HEXD: variants seen among roughly 807,000 people sequenced by gnomAD.
HEXD encodes the protein N-acetyl-beta-galactosaminidase.
A neutral mutation model predicts 54.2 loss-of-function variants in HEXD; 47 were observed. That is an observed-to-expected ratio of 0.87 (90% CI 0.69 to 1.11). The LOEUF is 1.11. HEXD is among the 50% of genes least tolerant of loss of function. HEXD has a pLI of 0.00. For synonymous variants in HEXD, 293 were observed against 287.6 expected (o/e 1.02, Z -0.19); for missense variants, 576 against 649.2 (o/e 0.89, Z 1.23).
chr17:82,440,973 C>G, intron 9 of HEXD, 24 bp from the exon 10 acceptor site: 1 of 1,613,086 alleles, frequency 6.2e-7, no homozygotes, highest in Non-Finnish European at 8.5e-7. Context: ...CCCCTCCAAC[C>G]GCCCCGCTCA....
intron 5 of HEXD, 60 bp downstream of exon 5, chr17:82,433,882 T>TA: frequency 1.4e-6 from 2 of 1,460,740 alleles, no homozygotes; most frequent in Non-Finnish European, 1.8e-6. Context: ...CTTGTCCTTT[T>TA]AAATAGGAAA....
At chr17:82,424,022 T>C (rs1333339982) in intron 2 of HEXD, among the ~76,000 whole-genome samples, 2 of 151,460 alleles carry the variant, frequency 1.3e-5, no homozygotes, top group East Asian at 3.9e-4. Flanking sequence ...TCAGCCTGGC[T>C]GCCCTGTCCC....
chr17:82,420,752 G>T (rs1392273757), intron 2 of HEXD, among the ~76,000 whole-genome samples: 1 of 152,142 alleles, frequency 6.6e-6, no homozygotes, highest in East Asian at 1.9e-4. Context: ...ATTTTTAGTA[G>T]AGACGGGGTT....
Position 82,437,286 on chromosome 17 carries a change from C to T in HEXD, c.822C>T (p.Asn274=), listed in dbSNP as rs768800934. ...AVPPVEHHLR[N]HVQWLQVAGS... ...CCCCTGTTGAGCACCACCTCAGGAACCACGTGCAGTGGCTGCAGGTGGCGG... is the reference window on the plus strand; with the variant it reads ...CCCCTGTTGAGCACCACCTCAGGAATCACGTGCAGTGGCTGCAGGTGGCGG... Residue 274 remains asparagine, a synonymous_variant, in exon 8 of 13, where the codon AAC becomes AAT. Transcript: ENST00000327949. 36 of 1,612,280 alleles carry T rather than the reference C, an allele frequency of 2.2e-5. No homozygotes were observed. Among genetic ancestry groups the T allele is most frequent in the Non-Finnish European group, 3.1e-5 (36 of 1,179,608 alleles).
chr17:82,421,782 C>T (rs567878894), intron 2 of HEXD, among the ~76,000 whole-genome samples: 32 of 151,926 alleles, frequency 2.1e-4, no homozygotes, highest in African/African-American at 6.3e-4. Flanking sequence ...GCCAAGATTG[C>T]GCCACTGCAC....
intron 3 of HEXD, 65 bp downstream of exon 3, chr17:82,424,568 G>A: frequency 2.7e-6 from 3 of 1,102,174 alleles, no homozygotes; most frequent in Non-Finnish European, 4.1e-6. Context: ...GTTCCGCAGG[G>A]CAGGAGGAGC....
chr17:82,436,871 C>T, intron 7 of HEXD, 133 bp downstream of exon 7: 1 of 794,672 alleles, frequency 1.3e-6, no homozygotes, highest in Non-Finnish European at 2.0e-6. Flanking sequence ...ACAGCCCCAG[C>T]AGACCCCAGC....
Position 82,433,779 on chromosome 17 carries a change from A to T in HEXD, c.404A>T (p.Glu135Val), listed in dbSNP as rs1266961074. ...LVGAMIDQVL[E>V]LHPGAQRLHI... ...GGCGCCATGATTGACCAGGTCCTGG[A>T]GCTACACCCAGGCGCCCAGCGGCTG... The change falls in exon 5 of 13, where the codon GAG becomes GTG. Residue 135 changes from glutamate (E) to valine (V), a missense_variant. Coordinates refer to ENST00000327949, the MANE Select transcript of HEXD (RefSeq NM_001330542.2). The T allele has an allele frequency of 8.1e-6, 13 of 1,613,058 alleles. No individual in the cohort carries two copies. The highest frequency in any genetic ancestry group is 1.1e-5 in the Non-Finnish European group (13 of 1,179,776).
At chr17:82,440,956 C>T (rs2053926313) in intron 9 of HEXD, 41 bp from the exon 10 acceptor site, 1 of 1,611,706 alleles carries the variant, frequency 6.2e-7, no homozygotes, top group Non-Finnish European at 8.5e-7. Context: ...CTCCCCTCCT[C>T]CAGAGGCCCC....
intron 3 of HEXD, among the ~76,000 whole-genome samples, chr17:82,428,333 T>G (rs2053478038): frequency 6.6e-6 from 1 of 152,130 alleles, no homozygotes; most frequent in African/African-American, 2.4e-5. Flanking sequence ...TTGTCGTGGG[T>G]TGAAAAGCGA....
chr17:82,423,346 C>T (rs532860052), intron 2 of HEXD: 1 of 152,308 alleles, frequency 6.6e-6, no homozygotes, highest in South Asian at 2.1e-4. Flanking sequence ...AGCTGGGGCT[C>T]CTTAGTTCTC....
At chr17:82,419,248 C>G (rs139133752) in intron 1 of HEXD, among the ~76,000 whole-genome samples, 8 of 152,298 alleles carry the variant, frequency 5.3e-5, no homozygotes, top group African/African-American at 1.9e-4. Flanking sequence ...ACCTTAAATC[C>G]TAGACAGTTT....
chr17:82,439,854 G>A (rs767580431), intron 9 of HEXD, 141 bp downstream of exon 9: 2 of 1,546,888 alleles, frequency 1.3e-6, no homozygotes, highest in South Asian at 2.3e-5. Flanking sequence ...CACCGCCCCA[G>A]CTCAGCCACC....
At chr17:82,425,155 G>GAGA (rs2053371521) in intron 3 of HEXD, among the ~76,000 whole-genome samples, 3 of 148,314 alleles carry the variant, frequency 2.0e-5, no homozygotes, top group African/African-American at 7.5e-5. Flanking sequence ...GCTGGAGGAG[G>GAGA]CTAGAGAAGG....
At chr17:82,433,110 A>G (rs1163389263) in intron 4 of HEXD, among the ~76,000 whole-genome samples, 1 of 16,570 alleles carries the variant, frequency 6.0e-5, no homozygotes, top group African/African-American at 5.6e-4. Context: ...ATATATATAT[A>G]TATATATATA....
chr17:82,429,072 C>G (rs1366592775), intron 4 of HEXD, among the ~76,000 whole-genome samples: 1 of 152,016 alleles, frequency 6.6e-6, no homozygotes, highest in Non-Finnish European at 1.5e-5. Flanking sequence ...CCAGCCTGAC[C>G]AACATGGCGA....
chr17:82,418,347 A>C lies in HEXD; in HGVS notation c.-445A>C. The stretch of plus-strand genomic sequence containing the variant: ...GGCCAGGCCCCGCCCCATCAGCCCC[A>C]GTCCCGCCCACTCCATGGCCCTGTC... On this transcript the variant is annotated 5_prime_UTR_variant, in exon 1 of 13. Coordinates refer to ENST00000327949, the MANE Select transcript of HEXD (RefSeq NM_001330542.2). 7.4e-6 allele frequency: 5 copies of C among 674,094 alleles called. No homozygotes were observed. The Admixed American group carries it at 1.9e-4, about 25-fold the overall frequency. 41.8% of individuals were successfully genotyped at this position (674,094 alleles called of 1,614,324 possible).
At chr17:82,437,519 G>C (rs2053805450) in intron 8 of HEXD, among the ~76,000 whole-genome samples, 156 bp downstream of exon 8, 1 of 152,238 alleles carries the variant, frequency 6.6e-6, no homozygotes, top group South Asian at 2.1e-4. Context: ...ACGTGGGGTT[G>C]GGCCCTGCAC....
intron 7 of HEXD, 118 bp from the exon 8 acceptor site, chr17:82,437,050 G>A (rs1043957850): frequency 1.3e-5 from 12 of 897,822 alleles, no homozygotes; most frequent in African/African-American, 6.7e-5. Context: ...ACTGAGACCC[G>A]GGCCTGGCTG....
Sources: allele counts gnomAD v4.1 joint callset (sites outside exome capture counted in the v4.1 genomes callset), GRCh38; gene constraint gnomAD v4.1.1; transcripts MANE v1.5; gene names NCBI Gene and HGNC (gene_info 2026-07-23, HGNC 2026-07-21).